SCNN1B: variants seen among roughly 807,000 people sequenced by gnomAD.
SCNN1B encodes the protein epithelial sodium channel subunit beta.
Under a neutral mutation model 65.3 loss-of-function variants are expected in SCNN1B, and 46 were observed. The ratio of observed to expected loss-of-function variants is 0.70; its 90% confidence interval spans 0.56 to 0.90. SCNN1B has a LOEUF of 0.90. Ranked by LOEUF, SCNN1B falls within the 40% of genes least tolerant of loss-of-function variation. The probability of loss-of-function intolerance (pLI) is 0.00; values close to 1 mark genes in which losing one functional copy is unlikely to be tolerated. For synonymous variants in SCNN1B, 349 were observed against 330.6 expected (o/e 1.06, Z -0.60); for missense variants, 751 against 830.5 (o/e 0.90, Z 1.18).
At chr16:23,332,771 G>A (rs543542024) in intron 1 of SCNN1B, among the ~76,000 whole-genome samples, 1 of 152,210 alleles carries the variant, frequency 6.6e-6, no homozygotes, top group South Asian at 2.1e-4. Flanking sequence ...GGAGCCAAGT[G>A]TAGAAAAGTG....
rs5816210 is a variant in SCNN1B at position 23,291,068 on chromosome 16, CTT to C, written n.178+7276_178+7277del. Among the ~76,000 whole-genome samples, 273 of 133,236 alleles carry C rather than the reference CTT, an allele frequency of 2.0e-3. 2 individuals are homozygous for C. Among genetic ancestry groups the C allele is most frequent in the African/African-American group, 6.3e-3 (209 of 33,064 alleles). The allele number at this position is 133,236 out of a possible 152,430, so 87.4% of individuals were successfully genotyped here. On this transcript the variant is annotated intron_variant and non_coding_transcript_variant, in intron 2 of 3. Transcript: ENST00000569789. ...ATTCTTCTTTACCACATTTTTTTTT[CTT>C]TTTTTTTTTTTGGCAGCATCTTGCT...
At chr16:23,328,376 T>C in intron 1 of SCNN1B, among the ~76,000 whole-genome samples, 1 of 152,226 alleles carries the variant, frequency 6.6e-6, no homozygotes, top group East Asian at 1.9e-4. Flanking sequence ...AGATATTAAG[T>C]AAATGATAGT....
intron 1 of SCNN1B, among the ~76,000 whole-genome samples, chr16:23,344,380 G>T: frequency 6.6e-6 from 1 of 152,178 alleles, no homozygotes; most frequent in East Asian, 1.9e-4. Flanking sequence ...GAATAGAAAA[G>T]GGTAGACATT....
chr16:23,335,256 C>A (rs1177256925), intron 1 of SCNN1B, among the ~76,000 whole-genome samples: 2 of 152,142 alleles, frequency 1.3e-5, no homozygotes, highest in Non-Finnish European at 2.9e-5. Context: ...TCTGCCTGTT[C>A]CCCCAGCCAC....
intron 1 of SCNN1B, among the ~76,000 whole-genome samples, chr16:23,307,614 T>G (rs1202093313): frequency 6.6e-6 from 1 of 151,970 alleles, no homozygotes; most frequent in Non-Finnish European, 1.5e-5. Flanking sequence ...GCCGCTGCGC[T>G]TGGCTGCCTG....
intron 1 of SCNN1B, among the ~76,000 whole-genome samples, chr16:23,325,803 A>C (rs1215509372): frequency 6.6e-6 from 1 of 151,956 alleles, no homozygotes; most frequent in Non-Finnish European, 1.5e-5. Flanking sequence ...CTGTAATCTC[A>C]ACACTTTGAG....
intron 11 of SCNN1B, 139 bp downstream of exon 11, chr16:23,378,906 C>T: frequency 2.6e-6 from 2 of 773,712 alleles, no homozygotes; most frequent in Non-Finnish European, 2.2e-6. Flanking sequence ...GGAGGAGGCA[C>T]TAGGAGTGAG....
At chr16:23,349,915 T>C (rs1962274181) in intron 2 of SCNN1B, among the ~76,000 whole-genome samples, 1 of 152,040 alleles carries the variant, frequency 6.6e-6, no homozygotes, top group Non-Finnish European at 1.5e-5. Flanking sequence ...CTGGCCAACA[T>C]GGTGAAACCT....
intron 1 of SCNN1B, among the ~76,000 whole-genome samples, chr16:23,307,867 T>G (rs1209562815): frequency 6.6e-6 from 1 of 151,506 alleles, no homozygotes; most frequent in East Asian, 2.0e-4. Context: ...CCAAGCAACA[T>G]AGCAAGACCC....
intron 1 of SCNN1B, among the ~76,000 whole-genome samples, chr16:23,338,355 C>A (rs1397312268): frequency 6.6e-6 from 1 of 152,154 alleles, no homozygotes; most frequent in East Asian, 1.9e-4. Context: ...TACACCTGGC[C>A]AGGTGCTTGA....
intron 4 of SCNN1B, among the ~76,000 whole-genome samples, chr16:23,356,023 G>A (rs1386397823): frequency 6.6e-6 from 1 of 152,198 alleles, no homozygotes; most frequent in African/African-American, 2.4e-5. Context: ...TGATCTGTGG[G>A]AGGATCTGGA....
chr16:23,292,735 C>T (rs1251142050), intron 2 of SCNN1B, among the ~76,000 whole-genome samples: 3 of 147,438 alleles, frequency 2.0e-5, no homozygotes, highest in Non-Finnish European at 4.5e-5. Context: ...AACTCCTGGG[C>T]TCAAGTGATC....
intron 4 of SCNN1B, among the ~76,000 whole-genome samples, chr16:23,359,025 G>C (rs951156163): frequency 1.3e-5 from 2 of 152,230 alleles, no homozygotes; most frequent in Non-Finnish European, 2.9e-5. Flanking sequence ...TAAGCACTTT[G>C]TGTGTTAAAA....
chr16:23,307,536 T>G (rs1961246342), intron 1 of SCNN1B, among the ~76,000 whole-genome samples: 2 of 152,120 alleles, frequency 1.3e-5, no homozygotes, highest in Admixed American at 6.6e-5. Flanking sequence ...GCCAAGCTGG[T>G]CTCGAACTCC....
chr16:23,278,569 C>T (rs761383633), intron 1 of SCNN1B, among the ~76,000 whole-genome samples: 14 of 150,320 alleles, frequency 9.3e-5, no homozygotes, highest in South Asian at 8.5e-4. Flanking sequence ...TAGTGGGAGA[C>T]GGGAGGGGGG....
intron 1 of SCNN1B, among the ~76,000 whole-genome samples, chr16:23,322,443 G>A (rs1351316025): frequency 6.6e-6 from 1 of 151,832 alleles, no homozygotes; most frequent in Non-Finnish European, 1.5e-5. Flanking sequence ...GGGACTATAG[G>A]TGCACACCAC....
upstream of SCNN1B, among the ~76,000 whole-genome samples, chr16:23,300,050 A>T (rs1422707172): frequency 1.3e-5 from 2 of 152,226 alleles, no homozygotes; most frequent in African/African-American, 4.8e-5. Context: ...AGGGACATGG[A>T]TGAAGCTGGA....
Position 23,355,501 on chromosome 16 carries a change from C to T in SCNN1B, c.776+12C>T. 1 of 1,613,556 alleles carries T rather than the reference C, an allele frequency of 6.2e-7. No individual in the cohort carries two copies. The highest frequency in any genetic ancestry group is 1.1e-5 in the South Asian group (1 of 91,056). On this transcript the variant is annotated intron_variant, in intron 4 of 12. Coordinates refer to ENST00000343070, the MANE Select transcript of SCNN1B (RefSeq NM_000336.3). The stretch of plus-strand genomic sequence containing the variant: ...CCCTGCAACTACCGGTGAGAGCCAC[C>T]CCAAGCCCACCCGGCCAGGCCCTGG...
intron 4 of SCNN1B, among the ~76,000 whole-genome samples, 192 bp downstream of exon 4, chr16:23,355,681 T>C (rs1033594256): frequency 2.6e-5 from 4 of 152,190 alleles, no homozygotes; most frequent in African/African-American, 7.2e-5. Context: ...CAGGGATGTA[T>C]TGAAGAGCTC....
Sources: gnomAD v4.1 joint callset for allele counts (sites outside exome capture counted in the v4.1 genomes callset) on GRCh38, gnomAD v4.1.1 for gene constraint, MANE v1.5 for transcripts, NCBI Gene and HGNC (gene_info 2026-07-23, HGNC 2026-07-21) for gene names.